The following ZFAT variants were observed in gnomAD, a reference collection of about 807,000 sequenced individuals.
ZFAT encodes the protein zinc finger protein ZFAT.
Under a neutral mutation model 117.7 loss-of-function variants are expected in ZFAT, and 64 were observed. The observed-to-expected ratio is 0.54, with a 90% CI of 0.44 to 0.67. The LOEUF is 0.67. Ranked by LOEUF, ZFAT falls within the 30% of genes least tolerant of loss-of-function variation. ZFAT has a pLI of 0.00. For synonymous variants in ZFAT, 679 were observed against 615.0 expected (o/e 1.10, Z -1.54); for missense variants, 1,433 against 1,584.5 (o/e 0.90, Z 1.62).
At position 134,600,299 on chromosome 8, in the gene ZFAT, C is replaced by G. The variant is rs1465607822; in HGVS notation, c.2475+137G>C. 4 of 821,306 alleles carry G rather than the reference C, an allele frequency of 4.9e-6. No homozygotes were observed. The South Asian group carries it at 5.9e-5, about 12-fold the overall frequency. 50.9% of individuals were successfully genotyped at this position (821,306 alleles called of 1,614,324 possible). A position where few individuals can be genotyped will look rare whatever the true frequency, so the allele number is the denominator to read the frequency against. Reference sequence around the variant, plus strand: ...GAACCTGGGAAGCCTCTGCCACGTGCACAGCTGTGTAAGGAGAAGGATCTC... The same window carrying G: ...GAACCTGGGAAGCCTCTGCCACGTGGACAGCTGTGTAAGGAGAAGGATCTC... On this transcript the variant is annotated intron_variant, in intron 7 of 15. Coordinates refer to ENST00000377838, the MANE Select transcript of ZFAT (RefSeq NM_020863.4).
At chr8:134,567,450 A>ACCATCCTACCAACCAT (rs1554646803) in intron 10 of ZFAT, among the ~76,000 whole-genome samples, 2 of 145,650 alleles carry the variant, frequency 1.4e-5, no homozygotes, top group East Asian at 4.0e-4. Context: ...AACCCTACCA[A>ACCATCCTACCAACCAT]CCATCCATCC....
chr8:134,706,422 G>A (rs953315783), intron 1 of ZFAT, among the ~76,000 whole-genome samples: 2 of 152,112 alleles, frequency 1.3e-5, no homozygotes, highest in African/African-American at 2.4e-5. Flanking sequence ...CGGGAGTGGT[G>A]GCTCACGCCT....
intron 2 of ZFAT, among the ~76,000 whole-genome samples, chr8:134,640,354 A>G (rs1830511666): frequency 1.3e-5 from 2 of 152,138 alleles, no homozygotes; most frequent in Admixed American, 1.3e-4. Context: ...CTTGCGGAGA[A>G]CTGTGCCCTT....
At chr8:134,481,680 A>T (rs1250589386) in intron 15 of ZFAT, among the ~76,000 whole-genome samples, 1 of 152,198 alleles carries the variant, frequency 6.6e-6, no homozygotes, top group Non-Finnish European at 1.5e-5. Context: ...ACAGACTCCA[A>T]GTTCTCAGAA....
At chr8:134,641,086 G>A (rs1185319380) in intron 2 of ZFAT, among the ~76,000 whole-genome samples, 3 of 151,636 alleles carry the variant, frequency 2.0e-5, no homozygotes, top group Non-Finnish European at 2.9e-5. Context: ...CCAGCCTCCT[G>A]CTCTGGGCTT....
chr8:134,654,686 A>G (rs1347993876), intron 2 of ZFAT, among the ~76,000 whole-genome samples: 1 of 152,236 alleles, frequency 6.6e-6, no homozygotes, highest in Admixed American at 6.5e-5. Context: ...GCAAAGGGTG[A>G]CAGCTGGGAC....
intron 1 of ZFAT, among the ~76,000 whole-genome samples, chr8:134,697,968 C>A (rs571890245): frequency 3.3e-5 from 5 of 151,760 alleles, no homozygotes; most frequent in African/African-American, 1.2e-4. Context: ...GCACACACAG[C>A]AAACTCCAAA....
At chr8:134,507,707 C>T (rs1819517949) in intron 15 of ZFAT, among the ~76,000 whole-genome samples, 1 of 152,226 alleles carries the variant, frequency 6.6e-6, no homozygotes, top group Non-Finnish European at 1.5e-5. Flanking sequence ...TGTATCACTG[C>T]ATTGCCTGCG....
the ZFAT span, chr8:134,792,655 T>C: frequency 6.6e-6 from 1 of 152,228 alleles, no homozygotes; most frequent in Admixed American, 6.5e-5. Flanking sequence ...GGCACAGTGG[T>C]AGTTTGTATG....
At chr8:134,692,910 T>G (rs1448053313) in intron 1 of ZFAT, among the ~76,000 whole-genome samples, 1 of 152,228 alleles carries the variant, frequency 6.6e-6, no homozygotes, top group Non-Finnish European at 1.5e-5. Flanking sequence ...GATCCAGATT[T>G]TTCTTTGTCA....
intron 1 of ZFAT, among the ~76,000 whole-genome samples, chr8:134,669,688 C>T (rs1009843082): frequency 2.6e-5 from 4 of 152,208 alleles, no homozygotes; most frequent in Non-Finnish European, 4.4e-5. Context: ...GAAGAAACTG[C>T]ATCAACTAAC....
chr8:134,576,074 G>A (rs561866065), intron 10 of ZFAT, among the ~76,000 whole-genome samples: 1 of 152,208 alleles, frequency 6.6e-6, no homozygotes, highest in South Asian at 2.1e-4. Flanking sequence ...ATAAAGGACA[G>A]AGCACAGCAC....
chr8:134,705,375 TTG>T (rs2131363556), intron 1 of ZFAT, among the ~76,000 whole-genome samples: 2 of 36,982 alleles, frequency 5.4e-5, no homozygotes, highest in South Asian at 2.5e-3. Context: ...TGGTTTTTTT[TTG>T]TTTTTTTTTT....
At chr8:134,682,621 C>T (rs1236172132) in intron 1 of ZFAT, among the ~76,000 whole-genome samples, 1 of 152,040 alleles carries the variant, frequency 6.6e-6, no homozygotes, top group Non-Finnish European at 1.5e-5. Flanking sequence ...TGCCATTGCA[C>T]TCCATTGTGG....
At chr8:134,756,939 G>A in the ZFAT span, among the ~76,000 whole-genome samples, 1 of 151,594 alleles carries the variant, frequency 6.6e-6, no homozygotes, top group Non-Finnish European at 1.5e-5. Context: ...GAGGCTTTGG[G>A]TTGAGTACGG....
At position 134,512,563 on chromosome 8, in the gene ZFAT, A is replaced by C; in HGVS notation, c.3273T>G (p.Tyr1091Ter). 6.2e-7 allele frequency: 1 copy of C among 1,613,868 alleles called. No individual in the cohort carries two copies. The highest frequency in any genetic ancestry group is 8.5e-7 in the Non-Finnish European group (1 of 1,179,834). The part of the protein sequence containing the change: ...TEAPEEPSTQ[Y>*]LHITEAEEDV... The stretch of plus-strand genomic sequence containing the variant: ...CTTCTTCGGCCTCTGTGATGTGGAG[A>C]TACTGGGTGGAGGGCTCCTCAGGAG... Residue 1091 changes from tyrosine (Y) to a stop codon, truncating the protein, a stop_gained, in exon 14 of 16, where the codon TAT (tyrosine) becomes TAG (stop). Coordinates refer to ENST00000377838, the MANE Select transcript of ZFAT (RefSeq NM_020863.4). LOFTEE classifies it high-confidence loss of function.
the ZFAT span, among the ~76,000 whole-genome samples, chr8:134,825,693 A>ATG: frequency 3.0e-4 from 45 of 152,222 alleles, no homozygotes; most frequent in Non-Finnish European, 1.2e-4. Context: ...TTTGACCAAT[A>ATG]TGTGTAGTAT....
the ZFAT span, among the ~76,000 whole-genome samples, chr8:134,818,025 A>T: frequency 6.6e-6 from 1 of 152,226 alleles, no homozygotes; most frequent in Non-Finnish European, 1.5e-5. Flanking sequence ...TTTAGATAGA[A>T]AACCTAAAAC....
intron 2 of ZFAT, among the ~76,000 whole-genome samples, chr8:134,645,274 T>C (rs1039513114): frequency 4.6e-5 from 7 of 152,326 alleles, no homozygotes; most frequent in South Asian, 2.1e-4. Flanking sequence ...TTAAAATGAA[T>C]TGTGAAGGTT....
Sources: allele counts gnomAD v4.1 joint callset (sites outside exome capture counted in the v4.1 genomes callset), GRCh38; gene constraint gnomAD v4.1.1; transcripts MANE v1.5; gene names NCBI Gene and HGNC (gene_info 2026-07-23, HGNC 2026-07-21).